Variants in ARHGAP24 observed in about 807,000 individuals in gnomAD.
ARHGAP24 encodes Rho GTPase activating protein 24, also known as rho GTPase-activating protein 24.
In ARHGAP24, 50 loss-of-function variants were observed where a neutral mutation model predicts 76.4. The observed-to-expected ratio is 0.65, with a 90% CI of 0.52 to 0.83. The LOEUF (loss-of-function observed/expected upper bound fraction) is 0.83. Among genes scored for constraint, ARHGAP24 ranks in the 40% least tolerant of loss-of-function variants. ARHGAP24 has a pLI of 0.00. For missense variants in ARHGAP24, 930 were observed against 914.2 expected (o/e 1.02, Z -0.22); for synonymous variants, 345 against 323.3 (o/e 1.07, Z -0.72).
rs552040118 is a variant in ARHGAP24, at chr4:85,692,548, C to A, written c.181-29337C>A. 2.6e-5 allele frequency among the ~76,000 whole-genome samples: 4 copies of A among 151,804 alleles called. 1 individual carries two copies. The highest frequency in any genetic ancestry group is 9.7e-5 in the African/African-American group (4 of 41,390). On this transcript the variant is annotated intron_variant, in intron 2 of 9. Transcript: ENST00000395184. ...ACAATTTTTTTTTCTTTATTTTTGT[C>A]TGAGTTGATTCAAAGAACCAGTGTT...
At position 85,972,211 on chromosome 4, in the gene ARHGAP24, T is replaced by C. The variant is rs768312734; in HGVS notation, c.732+43T>C. 5.0e-6 allele frequency: 8 copies of C among 1,608,866 alleles called. No individual in the cohort carries two copies. In the African/African-American group the frequency reaches 1.1e-4, roughly 21 times the overall value. On this transcript the variant is annotated intron_variant, in intron 6 of 9. Transcript: ENST00000395184. ...TTTCCAAATAAGCTTTTGTTTGGAA[T>C]TTTTTTCTGTGTTCTTAGTCTTAAA... is the stretch of plus-strand genomic sequence containing the variant.
chr4:85,997,395 GATAGATAGATAGATAGATA>G (rs969771686), intron 9 of ARHGAP24, among the ~76,000 whole-genome samples: 8 of 141,626 alleles, frequency 5.6e-5, no homozygotes, highest in Non-Finnish European at 1.2e-4. Flanking sequence ...TAGATAGATA[GATAGATAGATAGATAGATA>G]ATATTTTACT....
intron 1 of ARHGAP24, among the ~76,000 whole-genome samples, chr4:85,564,624 G>A (rs569064180): frequency 2.0e-5 from 3 of 151,780 alleles, no homozygotes; most frequent in East Asian, 2.0e-4. Flanking sequence ...CCAGTTTCAC[G>A]GGGTGAGGGG....
intron 3 of ARHGAP24, among the ~76,000 whole-genome samples, chr4:85,923,062 C>A (rs1404466917): frequency 6.6e-6 from 1 of 151,974 alleles, no homozygotes. Flanking sequence ...TTTCCTACCT[C>A]CTCTTTGTTT....
At chr4:85,767,787 ATT>A (rs1486035025) in intron 3 of ARHGAP24, among the ~76,000 whole-genome samples, 1 of 152,220 alleles carries the variant, frequency 6.6e-6, no homozygotes, top group Admixed American at 6.5e-5. Context: ...AAACTATGAC[ATT>A]CTTGGTGAGA....
chr4:85,663,692 C>T (rs1212431796), intron 2 of ARHGAP24, among the ~76,000 whole-genome samples: 3 of 151,628 alleles, frequency 2.0e-5, no homozygotes, highest in Non-Finnish European at 2.9e-5. Flanking sequence ...AGATATGTCC[C>T]ATCAATATCT....
chr4:85,911,645 G>A (rs7670778), intron 3 of ARHGAP24, among the ~76,000 whole-genome samples: 16,877 of 152,146 alleles, frequency 0.11, 986 homozygotes, highest in South Asian at 0.13. Flanking sequence ...AGTCATTGAA[G>A]ACTATTTTGA....
chr4:85,480,668 C>T (rs1436345440), intron 1 of ARHGAP24, among the ~76,000 whole-genome samples: 1 of 152,040 alleles, frequency 6.6e-6, no homozygotes, highest in African/African-American at 2.4e-5. Context: ...TTCCTTGAAA[C>T]ATTCTCTGTA....
chr4:85,971,386 G>GT, intron 5 of ARHGAP24, among the ~76,000 whole-genome samples: 1 of 152,136 alleles, frequency 6.6e-6, no homozygotes, highest in African/African-American at 2.4e-5. Context: ...TATTCTCATT[G>GT]TTTTCTTAAG....
chr4:85,879,455 T>C (rs1733114728), intron 3 of ARHGAP24, among the ~76,000 whole-genome samples: 1 of 152,148 alleles, frequency 6.6e-6, no homozygotes, highest in Admixed American at 6.6e-5. Flanking sequence ...TTTTATCTTG[T>C]GAATCTGAAT....
At chr4:85,913,768 G>A (rs191782224) in intron 3 of ARHGAP24, among the ~76,000 whole-genome samples, 23 of 152,270 alleles carry the variant, frequency 1.5e-4, no homozygotes, top group African/African-American at 4.1e-4. Flanking sequence ...AAAGTAATTT[G>A]TAAACTGTAG....
At chr4:85,509,671 C>T (rs1197316172) in intron 1 of ARHGAP24, among the ~76,000 whole-genome samples, 1 of 151,972 alleles carries the variant, frequency 6.6e-6, no homozygotes, top group Non-Finnish European at 1.5e-5. Flanking sequence ...AAGATCTGGT[C>T]TGGGATCTGT....
intron 5 of ARHGAP24, among the ~76,000 whole-genome samples, chr4:85,970,487 A>G (rs1254591956): frequency 6.6e-6 from 1 of 152,096 alleles, no homozygotes; most frequent in Non-Finnish European, 1.5e-5. Flanking sequence ...TCTTTTATTT[A>G]AACCCCTGAG....
intron 3 of ARHGAP24, among the ~76,000 whole-genome samples, chr4:85,877,504 A>T (rs953119576): frequency 2.0e-5 from 2 of 99,886 alleles, no homozygotes; most frequent in Non-Finnish European, 4.2e-5. Context: ...ACACACTTGT[A>T]GTCCCAGCTA....
intron 3 of ARHGAP24, among the ~76,000 whole-genome samples, chr4:85,893,766 G>C (rs9790515): frequency 0.68 from 102,462 of 150,406 alleles, 35,218 homozygotes; most frequent in African/African-American, 0.72. Context: ...GAGGGTAACC[G>C]GACCTTTCTC....
At chr4:85,624,909 C>T (rs1229413171) in intron 2 of ARHGAP24, among the ~76,000 whole-genome samples, 3 of 152,066 alleles carry the variant, frequency 2.0e-5, no homozygotes, top group Admixed American at 6.6e-5. Flanking sequence ...TCTGTGGGAT[C>T]GTGGTGATAT....
intron 5 of ARHGAP24, among the ~76,000 whole-genome samples, chr4:85,951,349 T>TA (rs1383145318): frequency 6.8e-6 from 1 of 146,676 alleles, no homozygotes; most frequent in East Asian, 2.0e-4. Flanking sequence ...CCCCTATGTG[T>TA]TTTTTTTTTA....
At chr4:85,667,469 G>C (rs1323893072) in intron 2 of ARHGAP24, among the ~76,000 whole-genome samples, 1 of 152,124 alleles carries the variant, frequency 6.6e-6, no homozygotes, top group Non-Finnish European at 1.5e-5. Context: ...GCAATGCCTT[G>C]GCCTGCTTTG....
At chr4:85,851,298 T>A (rs1731216566) in intron 3 of ARHGAP24, among the ~76,000 whole-genome samples, 1 of 152,224 alleles carries the variant, frequency 6.6e-6, no homozygotes, top group Non-Finnish European at 1.5e-5. Flanking sequence ...TTTCATTTGC[T>A]TGGTAGATCT....
Sources: gnomAD v4.1 joint callset for allele counts (sites outside exome capture counted in the v4.1 genomes callset) on GRCh38, gnomAD v4.1.1 for gene constraint, MANE v1.5 for transcripts, NCBI Gene and HGNC (gene_info 2026-07-23, HGNC 2026-07-21) for gene names.